The following KCNH7 variants were observed in gnomAD, a reference collection of about 807,000 sequenced individuals.
KCNH7 encodes voltage-gated inwardly rectifying potassium channel KCNH7.
Under a neutral mutation model 120.8 loss-of-function variants are expected in KCNH7, and 49 were observed. The observed-to-expected ratio is 0.41, with a 90% CI of 0.32 to 0.51. The LOEUF (loss-of-function observed/expected upper bound fraction) is 0.51. Among genes scored for constraint, KCNH7 ranks in the 20% least tolerant of loss-of-function variants. The pLI is 0.38. For missense variants in KCNH7, 1,097 were observed against 1,446.6 expected (o/e 0.76, Z 3.92); for synonymous variants, 547 against 516.1 (o/e 1.06, Z -0.81).
rs79918427 is a variant in KCNH7, at chr2:162,377,546, C to T, written c.3131+2307G>A. ...CTACAAAGATCAATAACAAGGGTGA[C>T]GCTGGTTCGAGATTGGACAGGCAGT... On this transcript the variant is annotated intron_variant, in intron 14 of 15. Coordinates refer to ENST00000332142, the MANE Select transcript of KCNH7 (RefSeq NM_033272.4). Among the ~76,000 whole-genome samples, 512 of 152,164 alleles carry T rather than the reference C, an allele frequency of 3.4e-3. 6 individuals are homozygous for T. Among genetic ancestry groups the T allele is most frequent in the Middle Eastern group, 0.024 (7 of 294 alleles).
At chr2:162,395,840 G>A (rs1028461613) in intron 11 of KCNH7, among the ~76,000 whole-genome samples, 1 of 151,592 alleles carries the variant, frequency 6.6e-6, no homozygotes, top group Admixed American at 6.6e-5. Context: ...ACTACAGCAA[G>A]TGTTAAATCT....
intron 5 of KCNH7, among the ~76,000 whole-genome samples, chr2:162,511,429 A>C (rs1385131079): frequency 1.4e-5 from 2 of 147,982 alleles, no homozygotes; most frequent in Non-Finnish European, 3.0e-5. Context: ...GCAAACCACC[A>C]CACACAGTTG....
intron 2 of KCNH7, among the ~76,000 whole-genome samples, chr2:162,603,778 A>C (rs986488880): frequency 6.6e-5 from 10 of 152,100 alleles, no homozygotes; most frequent in African/African-American, 2.2e-4. Context: ...CACTGTCCTC[A>C]GTGTATTCTC....
intron 2 of KCNH7, among the ~76,000 whole-genome samples, chr2:162,777,060 A>T (rs1683268126): frequency 6.6e-6 from 1 of 152,154 alleles, no homozygotes; most frequent in African/African-American, 2.4e-5. Context: ...GTGATTTAAC[A>T]TCAATAGAAA....
intron 2 of KCNH7, among the ~76,000 whole-genome samples, chr2:162,788,988 T>TAAAA (rs61348204): frequency 2.9e-5 from 3 of 105,164 alleles, no homozygotes; most frequent in Admixed American, 2.0e-4. Flanking sequence ...AGGTACTGGT[T>TAAAA]AAAAAAAAAA....
chr2:162,496,779 T>C (rs994414214), intron 6 of KCNH7, among the ~76,000 whole-genome samples: 1 of 152,210 alleles, frequency 6.6e-6, no homozygotes, highest in East Asian at 1.9e-4. Flanking sequence ...TTTAAAACCA[T>C]GAAATTATTA....
chr2:162,467,868 T>C (rs1184716672), intron 6 of KCNH7, among the ~76,000 whole-genome samples: 1 of 152,220 alleles, frequency 6.6e-6, no homozygotes, highest in Non-Finnish European at 1.5e-5. Context: ...GGTGAGGGCC[T>C]GATTTCTGAT....
rs13389866 is a variant in KCNH7 at position 162,690,476 on chromosome 2, C to A, written c.307+146061G>T. On this transcript the variant is annotated intron_variant, in intron 2 of 15. Transcript: ENST00000332142. Reference sequence around the variant, plus strand: ...CCCATCATTCATTTGTCTGGGATTGCAGATGCACTATTTAGTATACAATTA... The same window carrying A: ...CCCATCATTCATTTGTCTGGGATTGAAGATGCACTATTTAGTATACAATTA... 5.4e-3 allele frequency among the ~76,000 whole-genome samples: 826 copies of A among 152,264 alleles called. 7 individuals carry two copies. Among genetic ancestry groups the A allele is most frequent in the African/African-American group, 0.019 (773 of 41,550 alleles).
At chr2:162,466,898 A>G (rs1689328414) in intron 6 of KCNH7, among the ~76,000 whole-genome samples, 1 of 152,220 alleles carries the variant, frequency 6.6e-6, no homozygotes, top group African/African-American at 2.4e-5. Flanking sequence ...AATGATTAAA[A>G]GAGAAAGACT....
chr2:162,818,335 T>G (rs1684987637), intron 2 of KCNH7, among the ~76,000 whole-genome samples: 1 of 152,018 alleles, frequency 6.6e-6, no homozygotes, highest in South Asian at 2.1e-4. Context: ...ATTTTTCCAG[T>G]TAATCTAGCT....
intron 2 of KCNH7, among the ~76,000 whole-genome samples, chr2:162,558,328 C>T (rs1349468085): frequency 6.6e-6 from 1 of 151,982 alleles, no homozygotes; most frequent in East Asian, 1.9e-4. Flanking sequence ...GTGCCCGCCA[C>T]CATGCCCAGC....
At chr2:162,808,292 C>T (rs932783499) in intron 2 of KCNH7, among the ~76,000 whole-genome samples, 2 of 152,054 alleles carry the variant, frequency 1.3e-5, no homozygotes, top group Admixed American at 6.6e-5. Flanking sequence ...GGAGGCAGAA[C>T]CAGGGGATAG....
intron 2 of KCNH7, among the ~76,000 whole-genome samples, chr2:162,581,948 C>A (rs1693881819): frequency 6.6e-6 from 1 of 152,038 alleles, no homozygotes; most frequent in Admixed American, 6.6e-5. Context: ...GTTGCACTCC[C>A]CCTCAAACTT....
intron 2 of KCNH7, among the ~76,000 whole-genome samples, chr2:162,636,077 T>C (rs1171523077): frequency 1.3e-5 from 2 of 152,094 alleles, no homozygotes; most frequent in Non-Finnish European, 2.9e-5. Context: ...TTAGTATCTA[T>C]GCATAAAATG....
At chr2:162,463,545 G>T (rs1463995178) in intron 6 of KCNH7, among the ~76,000 whole-genome samples, 1 of 151,868 alleles carries the variant, frequency 6.6e-6, no homozygotes, top group Non-Finnish European at 1.5e-5. Flanking sequence ...GACCCCACAT[G>T]CATTGCTGCC....
chr2:162,577,342 A>G (rs1693712665), intron 2 of KCNH7, among the ~76,000 whole-genome samples: 12 of 126,828 alleles, frequency 9.5e-5, no homozygotes, highest in South Asian at 7.5e-4. Context: ...TCTATCATCT[A>G]TCCATCCTAT....
At position 162,638,422 on chromosome 2, in the gene KCNH7, T is replaced by C. The variant is rs146649683; in HGVS notation, c.308-101342A>G. Among the ~76,000 whole-genome samples the C allele has an allele frequency of 1.7e-3, 254 of 152,162 alleles. 6 individuals are homozygous for C. In the East Asian group the frequency reaches 0.046, roughly 27 times the overall value. On this transcript the variant is annotated intron_variant, in intron 2 of 15. Coordinates refer to ENST00000332142, the MANE Select transcript of KCNH7 (RefSeq NM_033272.4). The stretch of plus-strand genomic sequence containing the variant: ...CTTTTAACAGAAAATATTAATGGCT[T>C]AGGGTTACAACAAATTAAATTTCTG...
chr2:162,633,514 C>T (rs1047558826), intron 2 of KCNH7, among the ~76,000 whole-genome samples: 7 of 149,948 alleles, frequency 4.7e-5, no homozygotes, highest in African/African-American at 1.7e-4. Flanking sequence ...TATTTACTTT[C>T]TTTAAAGTTT....
intron 2 of KCNH7, among the ~76,000 whole-genome samples, chr2:162,571,719 C>T (rs1411280079): frequency 5.3e-5 from 7 of 132,142 alleles, no homozygotes; most frequent in Non-Finnish European, 9.4e-5. Context: ...TGGAACAGAA[C>T]AGAGCCCTCA....
Sources: gnomAD v4.1 joint callset for allele counts (sites outside exome capture counted in the v4.1 genomes callset) on GRCh38, gnomAD v4.1.1 for gene constraint, MANE v1.5 for transcripts, NCBI Gene and HGNC (gene_info 2026-07-23, HGNC 2026-07-21) for gene names.